WDR18: variants seen among roughly 807,000 people sequenced by gnomAD.
The protein encoded by WDR18 is WD repeat-containing protein 18.
In WDR18, 33 loss-of-function variants were observed where a neutral mutation model predicts 49.6. The ratio of observed to expected loss-of-function variants is 0.67; its 90% CI spans 0.50 to 0.89. The LOEUF (loss-of-function observed/expected upper bound fraction) is 0.89. WDR18 is among the 40% of genes least tolerant of loss of function. WDR18 has a pLI of 0.00. For synonymous variants in WDR18, 315 were observed against 263.6 expected (o/e 1.19, Z -1.89); for missense variants, 653 against 593.6 (o/e 1.10, Z -1.04).
chr19:987,829 G>GTTTTTTTTTTGTTTTTTTTTTTTTT (rs2038490802), intron 2 of WDR18, among the ~76,000 whole-genome samples: 1 of 91,822 alleles, frequency 1.1e-5, no homozygotes, highest in African/African-American at 5.3e-5. Context: ...GCCGCCTCCA[G>GTTTTTTTTTTGTTTTTTTTTTTTTT]TTTTTTTTTT....
At chr19:986,071 C>T (rs2038471647) in intron 2 of WDR18, 96 bp downstream of exon 2, 1 of 1,194,190 alleles carries the variant, frequency 8.4e-7, no homozygotes, top group Non-Finnish European at 1.2e-6. Context: ...CGGCCTGGGG[C>T]CCTGGGATGG....
chr19:983,560 C>T (rs868225479), upstream of WDR18, among the ~76,000 whole-genome samples: 612 of 145,146 alleles, frequency 4.2e-3, 5 homozygotes, highest in African/African-American at 0.015. Context: ...AAGCGCCCGG[C>T]CTTTTTTTTT....
chr19:989,916 G>A (rs769442165), intron 3 of WDR18, 21 bp downstream of exon 3: 1 of 1,580,336 alleles, frequency 6.3e-7, no homozygotes, highest in Non-Finnish European at 8.6e-7. Flanking sequence ...GCGCACTCAG[G>A]CCTGCACCTG....
chr19:993,100 G>T (rs983631967), intron 8 of WDR18, among the ~76,000 whole-genome samples: 6 of 152,218 alleles, frequency 3.9e-5, no homozygotes, highest in African/African-American at 1.2e-4. Flanking sequence ...CATCCGCAAG[G>T]CCCCTCAGAC....
At chr19:986,273 C>T (rs773484957) in intron 2 of WDR18, among the ~76,000 whole-genome samples, 8 of 152,174 alleles carry the variant, frequency 5.3e-5, no homozygotes, top group Admixed American at 1.3e-4. Flanking sequence ...TCCACGCAGG[C>T]GGCAGCGCCT....
intron 8 of WDR18, among the ~76,000 whole-genome samples, chr19:992,615 C>T (rs1331908395): frequency 6.6e-6 from 1 of 152,170 alleles, no homozygotes; most frequent in African/African-American, 2.4e-5. Flanking sequence ...AGCTCAGCAC[C>T]GACCCCCGCT....
chr19:984,438 G>A lies in WDR18; in HGVS notation c.85G>A (p.Ala29Thr). The A allele has an allele frequency of 6.3e-7, 1 of 1,599,922 alleles. No homozygotes were observed. The highest frequency in any genetic ancestry group is 8.5e-7 in the Non-Finnish European group (1 of 1,174,776). Residue 29 changes from alanine to threonine, a missense_variant, in exon 1 of 10, where the codon GCC becomes ACC. Ala to Thr is a moderately conservative substitution (Grantham distance 58). Transcript: ENST00000585809. Reference sequence around the variant, plus strand: ...CATCGTGTGGGAACTTCACTCGGGCGCCAACCTGCTCACCTACCGCGGCGG... The same window carrying A: ...CATCGTGTGGGAACTTCACTCGGGCACCAACCTGCTCACCTACCGCGGCGG... ...SCIVWELHSG[A>T]NLLTYRGGQA...
rs1427186563 is a variant in WDR18 at position 991,165 on chromosome 19, G to T, written c.806+20G>T. On this transcript the variant is annotated intron_variant, in intron 6 of 9. Coordinates refer to ENST00000585809, the MANE Select transcript of WDR18 (RefSeq NM_024100.4). ...GCACAGGTGGGGACGTGGGAACGGG[G>T]CGGGGGCTCCCAGGCACGTCCTGTC... 1.2e-5 allele frequency: 18 copies of T among 1,557,312 alleles called. No individual in the cohort carries two copies. In the African/African-American group the frequency reaches 1.5e-4, roughly 13 times the overall value.
At chr19:987,396 A>G (rs1296181792) in intron 2 of WDR18, among the ~76,000 whole-genome samples, 3 of 152,082 alleles carry the variant, frequency 2.0e-5, no homozygotes, top group Non-Finnish European at 4.4e-5. Flanking sequence ...AGGCATCATT[A>G]TCTCACCCTC....
At chr19:991,895 G>T in intron 7 of WDR18, 60 bp from the exon 8 acceptor site, 1 of 1,410,158 alleles carries the variant, frequency 7.1e-7, no homozygotes, top group Non-Finnish European at 9.2e-7. Context: ...GCGGAACTTG[G>T]CTTGCTGTGG....
At position 987,058 on chromosome 19, in the gene WDR18, AG is replaced by A. The variant is rs751748901; in HGVS notation, c.321+1087del. Among the ~76,000 whole-genome samples, 6 of 152,222 alleles carry A rather than the reference AG, an allele frequency of 3.9e-5. No homozygotes were observed. In the East Asian group the frequency reaches 7.7e-4, roughly 20 times the overall value. Reference sequence around the variant, plus strand: ...TTCTCGGAGAGATAAAAAAGCCACCAGGGGATGGGCATGGCGGCTCATGCCT... The same window carrying A: ...TTCTCGGAGAGATAAAAAAGCCACCAGGGATGGGCATGGCGGCTCATGCCT... On this transcript the variant is annotated intron_variant, in intron 2 of 9. Transcript: ENST00000585809.
intron 7 of WDR18, 61 bp downstream of exon 7, chr19:991,412 C>G (rs1268530414): frequency 3.4e-6 from 2 of 581,242 alleles, no homozygotes; most frequent in East Asian, 1.3e-4. Flanking sequence ...GCAGGAGCTC[C>G]GGGCTTGGCT....
chr19:992,367 G>GC (rs2038571130), intron 8 of WDR18, among the ~76,000 whole-genome samples: 1 of 152,216 alleles, frequency 6.6e-6, no homozygotes, highest in Non-Finnish European at 1.5e-5. Context: ...CGAGCTGCAC[G>GC]CCCCACACAC....
At chr19:984,602 C>T in intron 1 of WDR18, 39 bp downstream of exon 1, 1 of 1,383,402 alleles carries the variant, frequency 7.2e-7, no homozygotes, top group Non-Finnish European at 9.3e-7. Flanking sequence ...TCATGGGGCG[C>T]CCGAGGCTGA....
chr19:994,243 G>C lies in WDR18; in HGVS notation c.1198G>C (p.Val400Leu). Residue 400 changes from valine to leucine, a missense_variant, in exon 10 of 10, where the codon GTC (valine) becomes CTC (leucine). By Grantham distance (32) the Val-to-Leu change is conservative. Transcript: ENST00000585809. ...SVLGGQDQLR[V>L]RVTELEDEVR... The stretch of plus-strand genomic sequence containing the variant: ...GCTCGGCGGCCAGGACCAGCTGCGC[G>C]TCCGTGTGACGGAGCTGGAGGACGA... The C allele has an allele frequency of 6.2e-7, 1 of 1,607,460 alleles. No individual in the cohort carries two copies. Among genetic ancestry groups the C allele is most frequent in the South Asian group, 1.1e-5 (1 of 90,330 alleles).
intron 8 of WDR18, among the ~76,000 whole-genome samples, chr19:993,361 G>T (rs1224761836): frequency 6.6e-6 from 1 of 152,200 alleles, no homozygotes; most frequent in African/African-American, 2.4e-5. Context: ...GATTCCGGAG[G>T]GGGCCAGGCC....
At chr19:987,614 T>C (rs2038487836) in intron 2 of WDR18, among the ~76,000 whole-genome samples, 1 of 151,990 alleles carries the variant, frequency 6.6e-6, no homozygotes, top group Non-Finnish European at 1.5e-5. Context: ...AGAGGGAAAC[T>C]GAGGCAGGGA....
chr19:992,658 T>C (rs1479858389), intron 8 of WDR18, among the ~76,000 whole-genome samples: 1 of 152,126 alleles, frequency 6.6e-6, no homozygotes, highest in East Asian at 1.9e-4. Flanking sequence ...TCCCTTACCT[T>C]CTGAGGGTAG....
rs1037016345 is a variant in WDR18, at chr19:986,083, T to A, written c.321+108T>A. On this transcript the variant is annotated intron_variant, in intron 2 of 9. Transcript: ENST00000585809. ...ATGCGGCCTGGGGCCCTGGGATGGG[T>A]GACTGCTCAGGGGTTATAGCCTAAG... 1.9e-5 allele frequency: 20 copies of A among 1,034,174 alleles called. 1 individual carries two copies. The highest frequency in any genetic ancestry group is 2.8e-5 in the Non-Finnish European group (19 of 683,614). The allele number at this position is 1,034,174 out of a possible 1,614,324, so 64.1% of individuals were successfully genotyped here. A position where few individuals can be genotyped will look rare whatever the true frequency, so the allele number is the denominator to read the frequency against.
Sources: gnomAD v4.1 joint callset for allele counts (sites outside exome capture counted in the v4.1 genomes callset) on GRCh38, gnomAD v4.1.1 for gene constraint, MANE v1.5 for transcripts, NCBI Gene and HGNC (gene_info 2026-07-23, HGNC 2026-07-21) for gene names.